PDZRN3: variants seen among roughly 807,000 people sequenced by gnomAD.
The protein encoded by PDZRN3 is PDZ domain containing ring finger 3, also known as E3 ubiquitin-protein ligase PDZRN3.
In PDZRN3, 38 loss-of-function variants were observed where a neutral mutation model predicts 85.7. The ratio of observed to expected loss-of-function variants is 0.44; its 90% CI spans 0.34 to 0.58. The LOEUF (loss-of-function observed/expected upper bound fraction) is 0.58, where lower values mean the gene tolerates loss of function less well. Among genes scored for constraint, PDZRN3 ranks in the 20% least tolerant of loss-of-function variants. The pLI is 0.01. For synonymous variants in PDZRN3, 759 were observed against 638.0 expected, an observed-to-expected ratio of 1.19 and a Z score of -2.86; for missense variants, 1,629 against 1,506.4, an observed-to-expected ratio of 1.08 and a Z score of -1.35.
chr3:73,522,473 T>G (rs543732566), intron 3 of PDZRN3, among the ~76,000 whole-genome samples: 2 of 152,328 alleles, frequency 1.3e-5, no homozygotes, highest in East Asian at 3.9e-4. Context: ...TATGACAATG[T>G]CTAACAAGTT....
rs1369772761 is a variant in PDZRN3 at position 73,453,079 on chromosome 3, A to ATGCCAC, written c.919-48690_919-48685dup. On this transcript the variant is annotated intron_variant, in intron 3 of 9. Coordinates refer to ENST00000263666, the MANE Select transcript of PDZRN3 (RefSeq NM_015009.3). ...GCAAGAGAAACAGGTTGGAGAAAGTATGCCACTTTCCCTTTCCAGCAGTCA... is the reference window on the plus strand; with the variant it reads ...GCAAGAGAAACAGGTTGGAGAAAGTATGCCACTGCCACTTTCCCTTTCCAGCAGTCA... Among the ~76,000 whole-genome samples the ATGCCAC allele has an allele frequency of 5.3e-5, 8 of 152,280 alleles. 2 individuals are homozygous for ATGCCAC. Among genetic ancestry groups the ATGCCAC allele is most frequent in the Admixed American group, 4.6e-4 (7 of 15,292 alleles).
At chr3:73,485,460 C>A (rs1703645586) in intron 3 of PDZRN3, among the ~76,000 whole-genome samples, 1 of 152,060 alleles carries the variant, frequency 6.6e-6, no homozygotes, top group Non-Finnish European at 1.5e-5. Flanking sequence ...TGGTTTAGAG[C>A]TTGCTCCTAA....
intron 3 of PDZRN3, among the ~76,000 whole-genome samples, chr3:73,453,176 G>C (rs1702901913): frequency 6.6e-6 from 1 of 152,032 alleles, no homozygotes; most frequent in Non-Finnish European, 1.5e-5. Context: ...GGGAGGCCAA[G>C]GCAGGCAGAT....
intron 3 of PDZRN3, among the ~76,000 whole-genome samples, chr3:73,432,777 A>G (rs1702457882): frequency 6.6e-6 from 1 of 152,200 alleles, no homozygotes; most frequent in African/African-American, 2.4e-5. Context: ...ACCTTCTTTT[A>G]AAGTGCTTAT....
intron 3 of PDZRN3, among the ~76,000 whole-genome samples, chr3:73,505,329 G>A (rs1197097657): frequency 6.6e-6 from 1 of 152,130 alleles, no homozygotes; most frequent in Non-Finnish European, 1.5e-5. Flanking sequence ...TCAAGGCACA[G>A]AATTAAAAGT....
chr3:73,553,545 C>T (rs547469908), intron 3 of PDZRN3, among the ~76,000 whole-genome samples: 1 of 150,514 alleles, frequency 6.6e-6, no homozygotes, highest in Non-Finnish European at 1.5e-5. Context: ...CATTGCACTC[C>T]AGCCTGGGTG....
At chr3:73,584,926 C>G (rs566232113) in intron 3 of PDZRN3, among the ~76,000 whole-genome samples, 1 of 152,138 alleles carries the variant, frequency 6.6e-6, no homozygotes, top group Non-Finnish European at 1.5e-5. Context: ...TCCAAAAGGA[C>G]AAAGAAACTG....
intron 3 of PDZRN3, among the ~76,000 whole-genome samples, chr3:73,415,344 T>G (rs1702054800): frequency 6.6e-6 from 1 of 152,148 alleles, no homozygotes; most frequent in Admixed American, 6.5e-5. Context: ...CTGGTGCACG[T>G]GAGTGGGGTG....
chr3:73,510,994 A>ATACT (rs1168520579), intron 3 of PDZRN3, among the ~76,000 whole-genome samples: 2 of 152,208 alleles, frequency 1.3e-5, no homozygotes, highest in Admixed American at 1.3e-4. Flanking sequence ...GACCACTGAA[A>ATACT]TACTCTACAG....
rs779506162 is a variant in PDZRN3 at position 73,624,555 on chromosome 3, G to T, written c.271C>A (p.Arg91=). The change falls in exon 1 of 10, where the codon CGG becomes AGG. Residue 91 remains arginine (R), a synonymous_variant. Transcript: ENST00000263666. ...KCAYATRGCG[R]VVKLQQLPEH... ...GGCAGCTGCTGCAGCTTGACCACCC[G>T]GCCGCAGCCGCGCGTCGCGTACGCG... is the stretch of plus-strand genomic sequence containing the variant. 2 of 1,522,230 alleles carry T rather than the reference G, an allele frequency of 1.3e-6. No homozygotes were observed. Among genetic ancestry groups the T allele is most frequent in the Non-Finnish European group, 1.8e-6 (2 of 1,140,592 alleles). The allele number at this position is 1,522,230 out of a possible 1,614,324, so 94.3% of individuals were successfully genotyped here. A position where few individuals can be genotyped will look rare whatever the true frequency, so the allele number is the denominator to read the frequency against.
At chr3:73,496,388 A>G (rs1295321813) in intron 3 of PDZRN3, among the ~76,000 whole-genome samples, 1 of 152,124 alleles carries the variant, frequency 6.6e-6, no homozygotes, top group Non-Finnish European at 1.5e-5. Flanking sequence ...TAGAGAACTA[A>G]CTTAATAAAC....
intron 3 of PDZRN3, among the ~76,000 whole-genome samples, chr3:73,545,451 A>T (rs1701401833): frequency 6.6e-6 from 1 of 152,220 alleles, no homozygotes. Context: ...AAGAAAAAAA[A>T]TGCAACTGGA....
chr3:73,403,979 C>T (rs969204746), intron 4 of PDZRN3, among the ~76,000 whole-genome samples, 169 bp downstream of exon 4: 3 of 152,052 alleles, frequency 2.0e-5, no homozygotes, highest in Non-Finnish European at 4.4e-5. Flanking sequence ...TATGTCGGAG[C>T]GGTTTTGAGC....
At chr3:73,582,742 C>T (rs968586661) in intron 3 of PDZRN3, among the ~76,000 whole-genome samples, 3 of 152,034 alleles carry the variant, frequency 2.0e-5, no homozygotes, top group Non-Finnish European at 4.4e-5. Flanking sequence ...TGAGAAGGCA[C>T]TTACCCCGCG....
intron 3 of PDZRN3, among the ~76,000 whole-genome samples, chr3:73,521,958 G>A (rs2106731227): frequency 6.6e-6 from 1 of 152,296 alleles, no homozygotes; most frequent in South Asian, 2.1e-4. Context: ...TACAGCCTGT[G>A]AGCCAAATCT....
intron 1 of PDZRN3, among the ~76,000 whole-genome samples, chr3:73,617,944 G>A (rs1393394170): frequency 6.6e-6 from 1 of 152,202 alleles, no homozygotes; most frequent in African/African-American, 2.4e-5. Context: ...GACCTCAAGT[G>A]ATCTTTCCGG....
chr3:73,387,856 G>A, intron 8 of PDZRN3, 112 bp downstream of exon 8: 2 of 622,950 alleles, frequency 3.2e-6, no homozygotes, highest in East Asian at 2.6e-5. Context: ...CATTTCCAGG[G>A]AACAAAGCAC....
In PDZRN3 at chr3:73,624,820, G is replaced by A; in HGVS notation, c.6C>T (p.Gly2=). 7.5e-7 allele frequency: 1 copy of A among 1,326,680 alleles called. No homozygotes were observed. Among genetic ancestry groups the A allele is most frequent in the Non-Finnish European group, 9.6e-7 (1 of 1,041,466 alleles). 82.2% of individuals were successfully genotyped at this position (1,326,680 alleles called of 1,614,324 possible). ...CGCCGTCGAAGCGGTCCAGCTCGAAGCCCATGGTGGCGGCCAGGCCCCGGG... is the reference window on the plus strand; with the variant it reads ...CGCCGTCGAAGCGGTCCAGCTCGAAACCCATGGTGGCGGCCAGGCCCCGGG... M[G]FELDRFDGDV... Residue 2 remains glycine, a synonymous_variant, in exon 1 of 10, where the codon GGC becomes GGT. Coordinates refer to ENST00000263666, the MANE Select transcript of PDZRN3 (RefSeq NM_015009.3).
chr3:73,560,262 T>C (rs888632836), intron 3 of PDZRN3, among the ~76,000 whole-genome samples: 2 of 152,202 alleles, frequency 1.3e-5, no homozygotes, highest in Non-Finnish European at 2.9e-5. Flanking sequence ...TCTGCCAAAT[T>C]TGACTGTTAT....
Sources: allele counts gnomAD v4.1 joint callset (sites outside exome capture counted in the v4.1 genomes callset), GRCh38; gene constraint gnomAD v4.1.1; transcripts MANE v1.5; gene names NCBI Gene and HGNC (gene_info 2026-07-23, HGNC 2026-07-21).